SCFD1: variants seen among roughly 807,000 people sequenced by gnomAD.
SCFD1 encodes the protein sec1 family domain containing 1, also known as sec1 family domain-containing protein 1.
Under a neutral mutation model 103.2 loss-of-function variants are expected in SCFD1, and 37 were observed. The observed-to-expected ratio is 0.36, with a 90% CI of 0.28 to 0.47. The LOEUF is 0.47. Ranked by LOEUF, SCFD1 falls within the 20% of genes least tolerant of loss-of-function variation. SCFD1 has a pLI of 1.00. For missense variants in SCFD1, 639 were observed against 761.2 expected (o/e 0.84, Z 1.89); for synonymous variants, 264 against 245.0 (o/e 1.08, Z -0.73).
At chr14:30,705,788 A>T in intron 17 of SCFD1, 35 bp from the exon 18 acceptor site, 1 of 1,553,652 alleles carries the variant, frequency 6.4e-7, no homozygotes, top group Non-Finnish European at 8.9e-7. Flanking sequence ...TAGTTCTAAT[A>T]ATTAGCTTTT....
chr14:30,705,832 C>T lies in SCFD1; in HGVS notation c.1500C>T (p.Thr500=). The T allele has an allele frequency of 6.2e-7, 1 of 1,612,978 alleles. No homozygotes were observed. Among genetic ancestry groups the T allele is most frequent in the South Asian group, 1.1e-5 (1 of 90,984 alleles). The change falls in exon 18 of 25, where the codon ACC becomes ACT. Residue 500 remains threonine (T), a synonymous_variant. Transcript: ENST00000458591. ...LQYIKQWKAF[T]KMASAPASYG... Reference sequence around the variant, plus strand: ...CTTCCTTCTTTCATAGGGCTTTTACCAAGATGGCCTCAGCTCCGGCCAGCT... The same window carrying T: ...CTTCCTTCTTTCATAGGGCTTTTACTAAGATGGCCTCAGCTCCGGCCAGCT...
intron 7 of SCFD1, among the ~76,000 whole-genome samples, chr14:30,646,724 A>G (rs1885866773): frequency 2.0e-5 from 3 of 152,110 alleles, no homozygotes; most frequent in African/African-American, 4.8e-5. Flanking sequence ...ATCTGTTAGA[A>G]TTTGGCTGTG....
chr14:30,634,949 A>G (rs1456375863), intron 4 of SCFD1: 2 of 455,914 alleles, frequency 4.4e-6, no homozygotes, highest in Non-Finnish European at 8.8e-6. Context: ...GGTGGCTGCA[A>G]AAGTCAATAT....
intron 1 of SCFD1, among the ~76,000 whole-genome samples, chr14:30,625,852 T>C (rs1001577096): frequency 1.3e-5 from 2 of 152,072 alleles, no homozygotes; most frequent in African/African-American, 4.8e-5. Context: ...GATTATCTTA[T>C]TTGCTGCTGC....
At chr14:30,657,750 AT>A (rs1384704716) in intron 10 of SCFD1, among the ~76,000 whole-genome samples, 11 of 152,316 alleles carry the variant, frequency 7.2e-5, no homozygotes. Flanking sequence ...ACGCTTAATA[AT>A]TATACCCTTT....
intron 1 of SCFD1, among the ~76,000 whole-genome samples, chr14:30,627,992 T>C (rs1414634545): frequency 6.6e-6 from 1 of 152,148 alleles, no homozygotes; most frequent in Non-Finnish European, 1.5e-5. Context: ...GACAGATGCT[T>C]ATTGTGTTTT....
intron 21 of SCFD1, 111 bp downstream of exon 21, chr14:30,719,488 C>T (rs890311903): frequency 1.7e-5 from 12 of 706,392 alleles, no homozygotes; most frequent in African/African-American, 5.5e-5. Flanking sequence ...ATGGAAAACT[C>T]GTAAGGAAAC....
intron 23 of SCFD1, among the ~76,000 whole-genome samples, chr14:30,724,093 A>AAAAAAAAAAAAAAAAAAAAAAAAAT (rs1892850617): frequency 7.1e-6 from 1 of 139,944 alleles, no homozygotes; most frequent in Non-Finnish European, 1.6e-5. Flanking sequence ...AAAAAAAAAA[A>AAAAAAAAAAAAAAAAAAAAAAAAAT]AAAGGCTGAC....
At chr14:30,706,264 G>A (rs1260669684) in intron 18 of SCFD1, among the ~76,000 whole-genome samples, 5 of 152,014 alleles carry the variant, frequency 3.3e-5, no homozygotes, top group Non-Finnish European at 7.4e-5. Context: ...ATTTTTTATA[G>A]TATCATCCCT....
chr14:30,695,138 A>G (rs139923808), intron 15 of SCFD1, among the ~76,000 whole-genome samples: 1,595 of 152,324 alleles, frequency 0.01, 13 homozygotes, highest in Middle Eastern at 0.051. Context: ...TGTAAAGCTT[A>G]ATATCTGCTG....
rs371168939 is a variant in SCFD1, at chr14:30,630,550, G to A, written c.206G>A (p.Gly69Glu). 1.9e-6 allele frequency: 3 copies of A among 1,580,954 alleles called. No homozygotes were observed. Residue 69 changes from glycine to glutamate, a missense_variant, in exon 3 of 25, where the codon GGA becomes GAA. Gly to Glu is a moderately conservative substitution (Grantham distance 98). Coordinates refer to ENST00000458591, the MANE Select transcript of SCFD1 (RefSeq NM_016106.4). ...LLSVKELRDM[G>E]ITLHLLLHSD... ...TCTGTGAAGGAGCTAAGAGACATGG[G>A]AATCACTCTGCATCTGTGAGTTTTT...
At chr14:30,631,999 G>A (rs1267742843) in intron 3 of SCFD1, among the ~76,000 whole-genome samples, 1 of 132,820 alleles carries the variant, frequency 7.5e-6, no homozygotes, top group Non-Finnish European at 1.6e-5. Flanking sequence ...AGTGAACCGA[G>A]ATCGTGACAC....
At chr14:30,634,702 A>G (rs898184688) in intron 4 of SCFD1, 16 of 423,454 alleles carry the variant, frequency 3.8e-5, no homozygotes, top group East Asian at 7.0e-5. Context: ...CAGAAGTACT[A>G]TAAGGTAATC....
intron 17 of SCFD1, among the ~76,000 whole-genome samples, chr14:30,703,688 A>G (rs1449891050): frequency 6.6e-6 from 1 of 150,682 alleles, no homozygotes; most frequent in Non-Finnish European, 1.5e-5. Context: ...GAGTGCTGAG[A>G]TTATGAGTGC....
chr14:30,663,048 A>G (rs1297152898), intron 10 of SCFD1, among the ~76,000 whole-genome samples: 2 of 152,218 alleles, frequency 1.3e-5, no homozygotes, highest in Non-Finnish European at 2.9e-5. Flanking sequence ...TTAATTTCCT[A>G]ACTTGGAAGA....
chr14:30,659,241 A>G (rs1887211923), intron 10 of SCFD1, among the ~76,000 whole-genome samples: 1 of 150,882 alleles, frequency 6.6e-6, no homozygotes, highest in African/African-American at 2.4e-5. Context: ...AACATTTTAC[A>G]AAGTTTTAAT....
intron 4 of SCFD1, chr14:30,634,971 A>T (rs1479324513): frequency 2.2e-6 from 1 of 456,012 alleles, no homozygotes; most frequent in African/African-American, 2.0e-5. Context: ...TAGATGAGTC[A>T]CCCCAAAGAA....
chr14:30,643,390 T>C lies in SCFD1; in HGVS notation c.598T>C (p.Phe200Leu), dbSNP rs35121540. The change falls in exon 7 of 25, where the codon TTT (phenylalanine) becomes CTT (leucine). Residue 200 changes from phenylalanine (F) to leucine (L), a missense_variant. Physicochemically the swap from Phe to Leu is conservative, Grantham distance 22 (BLOSUM62 0). Coordinates refer to ENST00000458591, the MANE Select transcript of SCFD1 (RefSeq NM_016106.4). ...MDTIVDSLFC[F>L]FVTLGAVPII... ...CACTATAGTTGACAGCCTCTTCTGCTTTTTTGTTACTCTGGGTAAGTTTTC... is the reference window on the plus strand; with the variant it reads ...CACTATAGTTGACAGCCTCTTCTGCCTTTTTGTTACTCTGGGTAAGTTTTC... 473 of 1,611,250 alleles carry C rather than the reference T, an allele frequency of 2.9e-4. 1 individual carries two copies. Among genetic ancestry groups the C allele is most frequent in the Non-Finnish European group, 3.8e-4 (452 of 1,177,540 alleles).
chr14:30,704,778 G>A (rs1158385181), intron 17 of SCFD1, among the ~76,000 whole-genome samples: 6 of 152,108 alleles, frequency 3.9e-5, no homozygotes, highest in Admixed American at 3.9e-4. Flanking sequence ...CATTATGAAA[G>A]AATACTGACT....
Sources: gnomAD v4.1 joint callset for allele counts (sites outside exome capture counted in the v4.1 genomes callset) on GRCh38, gnomAD v4.1.1 for gene constraint, MANE v1.5 for transcripts, NCBI Gene and HGNC (gene_info 2026-07-23, HGNC 2026-07-21) for gene names.